Variants in LUZP2 observed in about 807,000 individuals in gnomAD.
LUZP2 encodes the protein leucine zipper protein 2.
LUZP2 carries 52 observed loss-of-function variants against 51.6 expected under a neutral mutation model. The ratio of observed to expected loss-of-function variants is 1.01; its 90% CI spans 0.81 to 1.27. The LOEUF (loss-of-function observed/expected upper bound fraction) is 1.27. Ranked by LOEUF, LUZP2 falls within the 50% of genes most tolerant of loss-of-function variation. LUZP2 has a pLI of 0.00. For synonymous variants in LUZP2, 154 were observed against 137.3 expected (o/e 1.12, Z -0.85); for missense variants, 436 against 395.4 (o/e 1.10, Z -0.87).
At chr11:24,651,957 T>A (rs928826279) in intron 1 of LUZP2, among the ~76,000 whole-genome samples, 2 of 151,976 alleles carry the variant, frequency 1.3e-5, no homozygotes, top group African/African-American at 4.8e-5. Flanking sequence ...TTCTTTAATA[T>A]TTTTCTCTTC....
intron 1 of LUZP2, among the ~76,000 whole-genome samples, chr11:24,587,276 G>A (rs1326051752): frequency 6.6e-6 from 1 of 152,094 alleles, no homozygotes; most frequent in Non-Finnish European, 1.5e-5. Context: ...GAGAGATTCA[G>A]TGGGAGGTAT....
At chr11:24,743,323 A>C (rs1859253900) in intron 4 of LUZP2, among the ~76,000 whole-genome samples, 1 of 152,136 alleles carries the variant, frequency 6.6e-6, no homozygotes. Flanking sequence ...ATCCATGAGC[A>C]TGAGATATGT....
intron 9 of LUZP2, among the ~76,000 whole-genome samples, chr11:25,012,771 G>A (rs1424759999): frequency 6.6e-6 from 1 of 152,184 alleles, no homozygotes; most frequent in Non-Finnish European, 1.5e-5. Flanking sequence ...TATATTGTTG[G>A]TGGGAATGTG....
intron 1 of LUZP2, among the ~76,000 whole-genome samples, chr11:24,602,259 CATATATGTACATACATATATACACACAT>C (rs1215078568): frequency 0.022 from 1,652 of 73,928 alleles, 65 homozygotes; most frequent in African/African-American, 0.089. Flanking sequence ...TATATGCAAA[CATATATGTACATACATATATACACACAT>C]ATATATGTAC....
intron 1 of LUZP2, among the ~76,000 whole-genome samples, chr11:24,523,462 G>A (rs1850706085): frequency 6.6e-6 from 1 of 150,450 alleles, no homozygotes; most frequent in African/African-American, 2.5e-5. Context: ...ACTAATCCAT[G>A]CTAATTCACT....
chr11:24,769,454 AT>A (rs1044469975), intron 5 of LUZP2, among the ~76,000 whole-genome samples: 1 of 152,212 alleles, frequency 6.6e-6, no homozygotes, highest in Non-Finnish European at 1.5e-5. Flanking sequence ...CTCTGACTTG[AT>A]AATTACACAA....
At chr11:24,973,741 T>G (rs552099040) in intron 7 of LUZP2, among the ~76,000 whole-genome samples, 20 of 152,228 alleles carry the variant, frequency 1.3e-4, no homozygotes, top group African/African-American at 4.6e-4. Context: ...GTTTTGTGGT[T>G]TTGAGTGAAT....
intron 1 of LUZP2, among the ~76,000 whole-genome samples, chr11:24,509,801 C>T (rs1850251823): frequency 6.6e-6 from 1 of 151,920 alleles, no homozygotes; most frequent in African/African-American, 2.4e-5. Flanking sequence ...TTCCAGTAAT[C>T]ACTACAGTGT....
chr11:24,956,867 G>A (rs2133871371), intron 7 of LUZP2, among the ~76,000 whole-genome samples: 1 of 152,236 alleles, frequency 6.6e-6, no homozygotes, highest in South Asian at 2.1e-4. Flanking sequence ...AGTGAGGACT[G>A]TGGTTTTTCC....
At chr11:24,797,985 A>G (rs1312804414) in intron 5 of LUZP2, among the ~76,000 whole-genome samples, 1 of 152,150 alleles carries the variant, frequency 6.6e-6, no homozygotes, top group Non-Finnish European at 1.5e-5. Context: ...ACAAAGTAAA[A>G]GGAGCTGAGA....
intron 7 of LUZP2, among the ~76,000 whole-genome samples, chr11:24,952,136 CTTA>C (rs1047681608): frequency 6.6e-5 from 10 of 151,452 alleles, no homozygotes; most frequent in African/African-American, 2.4e-4. Context: ...TGGAAGCAGC[CTTA>C]TTATAAAAAA....
At chr11:24,734,837 T>C (rs1163631338) in intron 3 of LUZP2, among the ~76,000 whole-genome samples, 2 of 151,892 alleles carry the variant, frequency 1.3e-5, no homozygotes, top group Non-Finnish European at 2.9e-5. Flanking sequence ...TGCAGTGTGC[T>C]TGCCATTGCC....
chr11:24,575,373 C>T (rs754771408), intron 1 of LUZP2, among the ~76,000 whole-genome samples: 1 of 152,084 alleles, frequency 6.6e-6, no homozygotes, highest in Non-Finnish European at 1.5e-5. Context: ...TGTTAGAGAA[C>T]ATTATTTGAT....
intron 7 of LUZP2, among the ~76,000 whole-genome samples, chr11:24,954,105 C>T (rs956232964): frequency 6.6e-6 from 1 of 151,864 alleles, no homozygotes; most frequent in Non-Finnish European, 1.5e-5. Context: ...AGCACAATGG[C>T]TTTGCCATAA....
intron 1 of LUZP2, among the ~76,000 whole-genome samples, chr11:24,659,921 T>A (rs963424917): frequency 1.3e-5 from 2 of 152,116 alleles, no homozygotes; most frequent in Non-Finnish European, 2.9e-5. Context: ...TAGATTAGAT[T>A]AGATTAGATG....
chr11:24,798,128 G>C (rs1849597270), intron 5 of LUZP2, among the ~76,000 whole-genome samples: 1 of 151,638 alleles, frequency 6.6e-6, no homozygotes, highest in Non-Finnish European at 1.5e-5. Flanking sequence ...TTGTTTGTTT[G>C]CTTGCTTATT....
intron 1 of LUZP2, among the ~76,000 whole-genome samples, chr11:24,598,382 T>C (rs1853515765): frequency 6.6e-6 from 1 of 152,112 alleles, no homozygotes; most frequent in Non-Finnish European, 1.5e-5. Flanking sequence ...AACTTTTATC[T>C]GTTGAAACTC....
chr11:24,613,647 T>G (rs1358221990), intron 1 of LUZP2, among the ~76,000 whole-genome samples: 1 of 151,756 alleles, frequency 6.6e-6, no homozygotes, highest in Non-Finnish European at 1.5e-5. Context: ...TACATTTCCT[T>G]GAAAAAAAAT....
At chr11:24,566,919 GTATA>G (rs1852257699) in intron 1 of LUZP2, among the ~76,000 whole-genome samples, 1 of 141,912 alleles carries the variant, frequency 7.0e-6, no homozygotes, top group African/African-American at 2.6e-5. Context: ...ATATATATAT[GTATA>G]TATGTATATA....
Sources: allele counts gnomAD v4.1 joint callset (sites outside exome capture counted in the v4.1 genomes callset), GRCh38; gene constraint gnomAD v4.1.1; transcripts MANE v1.5; gene names NCBI Gene and HGNC (gene_info 2026-07-23, HGNC 2026-07-21).